Variants in SGCZ observed in about 807,000 individuals in gnomAD.
SGCZ encodes the protein sarcoglycan zeta, also known as zeta-sarcoglycan.
SGCZ carries 40 observed loss-of-function variants against 41.3 expected under a neutral mutation model. The observed-to-expected ratio is 0.97, with a 90% CI of 0.75 to 1.26. The LOEUF is 1.26. Among genes scored for constraint, SGCZ ranks in the 50% most tolerant of loss-of-function variants. The pLI is 0.00. For missense variants in SGCZ, 552 were observed against 369.8 expected, an observed-to-expected ratio of 1.49 and a Z score of -4.04; for synonymous variants, 206 against 137.5, an observed-to-expected ratio of 1.50 and a Z score of -3.49.
At chr8:14,242,618 C>T (rs1191378705) in intron 3 of SGCZ, among the ~76,000 whole-genome samples, 1 of 152,142 alleles carries the variant, frequency 6.6e-6, no homozygotes, top group African/African-American at 2.4e-5. Flanking sequence ...GCAATGTGTG[C>T]TTTTATGATT....
chr8:14,179,564 A>G (rs147209599), intron 4 of SGCZ, among the ~76,000 whole-genome samples: 2 of 152,286 alleles, frequency 1.3e-5, no homozygotes, highest in Non-Finnish European at 2.9e-5. Context: ...TAATGATAAC[A>G]TGCTAACCTC....
chr8:14,558,701 C>A (rs1804114400), intron 1 of SGCZ, among the ~76,000 whole-genome samples: 1 of 151,334 alleles, frequency 6.6e-6, no homozygotes, highest in South Asian at 2.1e-4. Context: ...AAACTACGGA[C>A]CAATATCCCT....
At chr8:14,741,907 C>G (rs1222390528) in intron 1 of SGCZ, among the ~76,000 whole-genome samples, 2 of 66,624 alleles carry the variant, frequency 3.0e-5, no homozygotes, top group African/African-American at 2.7e-4. Flanking sequence ...TTTTTCAGAA[C>G]TGTTCCAACT....
intron 1 of SGCZ, among the ~76,000 whole-genome samples, chr8:14,575,883 G>A (rs368450107): frequency 7.9e-6 from 1 of 127,114 alleles, no homozygotes; most frequent in Non-Finnish European, 1.5e-5. Flanking sequence ...TCCAGCCTGG[G>A]CAACAGAGTG....
At chr8:14,190,195 GTA>G (rs901923020) in intron 4 of SGCZ, among the ~76,000 whole-genome samples, 7 of 151,668 alleles carry the variant, frequency 4.6e-5, no homozygotes, top group Admixed American at 3.9e-4. Context: ...TGTATTTTTA[GTA>G]GAGACGGGGT....
intron 1 of SGCZ, among the ~76,000 whole-genome samples, chr8:14,609,826 G>C (rs914298135): frequency 6.7e-6 from 1 of 150,302 alleles, no homozygotes; most frequent in Non-Finnish European, 1.5e-5. Context: ...TTCAGAAGGA[G>C]AAAAAAAAAC....
intron 1 of SGCZ, among the ~76,000 whole-genome samples, chr8:14,823,604 G>C (rs993167883): frequency 6.6e-6 from 1 of 152,136 alleles, no homozygotes; most frequent in Non-Finnish European, 1.5e-5. Context: ...GTAGAGAGAA[G>C]GGAATATTTA....
intron 1 of SGCZ, among the ~76,000 whole-genome samples, chr8:14,689,806 C>G (rs1808739256): frequency 6.6e-6 from 1 of 152,052 alleles, no homozygotes; most frequent in Non-Finnish European, 1.5e-5. Flanking sequence ...AAAGAGAATC[C>G]CCATCAGCTG....
chr8:14,102,506 GA>G lies in SGCZ; in HGVS notation c.621-8del. On this transcript the variant is annotated splice_polypyrimidine_tract_variant and splice_region_variant and intron_variant, in intron 6 of 7. Coordinates refer to ENST00000382080, the MANE Select transcript of SGCZ (RefSeq NM_139167.4). ...TCTGGTGGGTGATTCAAGCCTAAGG[GA>G]AAAACAAAAAATCATTAATAGGAAA... is the stretch of plus-strand genomic sequence containing the variant. 1 of 1,375,358 alleles carries G rather than the reference GA, an allele frequency of 7.3e-7. No individual in the cohort carries two copies. The highest frequency in any genetic ancestry group is 9.5e-7 in the Non-Finnish European group (1 of 1,051,952). The allele number at this position is 1,375,358 out of a possible 1,614,324, so 85.2% of individuals were successfully genotyped here.
chr8:14,793,480 G>C (rs923237015), intron 1 of SGCZ, among the ~76,000 whole-genome samples: 43 of 152,132 alleles, frequency 2.8e-4, no homozygotes, highest in Non-Finnish European at 5.4e-4. Context: ...ACAAATATCA[G>C]AGAAAATGAG....
At chr8:14,581,276 T>G (rs1480877347) in intron 1 of SGCZ, among the ~76,000 whole-genome samples, 1 of 151,938 alleles carries the variant, frequency 6.6e-6, no homozygotes, top group African/African-American at 2.4e-5. Flanking sequence ...CCTGCCTGAT[T>G]TTTGTATTTT....
At chr8:14,432,914 C>CAAAAAAAAAAAAAAAAAAAAAAAAAA (rs767979164) in intron 2 of SGCZ, among the ~76,000 whole-genome samples, 3 of 75,632 alleles carry the variant, frequency 4.0e-5, no homozygotes, top group South Asian at 4.3e-4. Context: ...ACTGTGTCTC[C>CAAAAAAAAAAAAAAAAAAAAAAAAAA]AAAAAAAAAA....
chr8:14,565,494 CA>C (rs1296540243), intron 1 of SGCZ, among the ~76,000 whole-genome samples: 1 of 151,870 alleles, frequency 6.6e-6, no homozygotes, highest in African/African-American at 2.4e-5. Context: ...AGAGATAAAA[CA>C]ACAAAGACAG....
At chr8:14,552,982 T>C (rs1485083947) in intron 2 of SGCZ, among the ~76,000 whole-genome samples, 1 of 151,968 alleles carries the variant, frequency 6.6e-6, no homozygotes, top group Non-Finnish European at 1.5e-5. Flanking sequence ...AATTTCAAAA[T>C]TTGGAGAATA....
intron 1 of SGCZ, among the ~76,000 whole-genome samples, chr8:15,054,709 C>T (rs1472538949): frequency 6.6e-6 from 1 of 152,034 alleles, no homozygotes; most frequent in African/African-American, 2.4e-5. Context: ...AATCCCAGCA[C>T]TTTAGGAGGC....
chr8:14,668,295 TA>T (rs1347148471), intron 1 of SGCZ, among the ~76,000 whole-genome samples: 1 of 152,178 alleles, frequency 6.6e-6, no homozygotes, highest in Non-Finnish European at 1.5e-5. Flanking sequence ...TCCAAGCTCA[TA>T]GGCGGAAATC....
intron 3 of SGCZ, among the ~76,000 whole-genome samples, chr8:14,269,607 G>C (rs1799995158): frequency 6.6e-6 from 1 of 152,084 alleles, no homozygotes; most frequent in Non-Finnish European, 1.5e-5. Flanking sequence ...GACCCAGATT[G>C]CCTTTGGGTC....
intron 1 of SGCZ, among the ~76,000 whole-genome samples, chr8:14,751,833 G>T (rs1585231234): frequency 6.6e-6 from 1 of 151,544 alleles, no homozygotes; most frequent in African/African-American, 2.4e-5. Context: ...CAGGTTGTGA[G>T]CCACTGCACC....
intron 1 of SGCZ, among the ~76,000 whole-genome samples, chr8:14,931,114 G>A (rs990142078): frequency 3.3e-5 from 5 of 151,970 alleles, no homozygotes; most frequent in Admixed American, 3.3e-4. Context: ...TTAACGAGGT[G>A]TCTTAGATAT....
Sources: allele counts gnomAD v4.1 joint callset (sites outside exome capture counted in the v4.1 genomes callset), GRCh38; gene constraint gnomAD v4.1.1; transcripts MANE v1.5; gene names NCBI Gene and HGNC (gene_info 2026-07-23, HGNC 2026-07-21).